Variants in GRM3 observed in about 807,000 individuals in gnomAD.
The protein encoded by GRM3 is metabotropic glutamate receptor 3.
GRM3 carries 26 observed loss-of-function variants against 70.5 expected under a neutral mutation model. That is an observed-to-expected ratio of 0.37 (90% CI 0.27 to 0.51). The LOEUF is 0.51. Ranked by LOEUF, GRM3 falls within the 20% of genes least tolerant of loss-of-function variation. The pLI is 0.93. For synonymous variants in GRM3, 443 were observed against 434.9 expected, an observed-to-expected ratio of 1.02 and a Z score of -0.23; for missense variants, 859 against 1,123.8, an observed-to-expected ratio of 0.76 and a Z score of 3.37.
At chr7:86,858,543 C>T (rs1410394908) in intron 5 of GRM3, among the ~76,000 whole-genome samples, 1 of 152,164 alleles carries the variant, frequency 6.6e-6, no homozygotes, top group Non-Finnish European at 1.5e-5. Context: ...TGTCATGATA[C>T]AGCAGGAAGG....
chr7:86,840,089 C>T (rs558646538), intron 4 of GRM3, among the ~76,000 whole-genome samples, 184 bp downstream of exon 4: 120 of 152,110 alleles, frequency 7.9e-4, no homozygotes, highest in African/African-American at 2.6e-3. Context: ...TAGTACCTAC[C>T]ACATGCAGAG....
intron 1 of GRM3, among the ~76,000 whole-genome samples, chr7:86,718,265 A>G (rs1048597205): frequency 3.9e-5 from 6 of 151,968 alleles, no homozygotes; most frequent in African/African-American, 1.2e-4. Context: ...ATTCCACATC[A>G]CAATTTATCT....
At chr7:86,802,793 T>C (rs1352877466) in intron 3 of GRM3, among the ~76,000 whole-genome samples, 1 of 152,198 alleles carries the variant, frequency 6.6e-6, no homozygotes, top group East Asian at 1.9e-4. Flanking sequence ...AAGACCATGA[T>C]AGTTTTGTGG....
chr7:86,748,800 T>A (rs2116350762), intron 1 of GRM3, among the ~76,000 whole-genome samples: 1 of 152,202 alleles, frequency 6.6e-6, no homozygotes, highest in South Asian at 2.1e-4. Context: ...TGAAATTAAC[T>A]CAAAGTCCTC....
At chr7:86,682,220 C>T (rs934603840) in intron 1 of GRM3, among the ~76,000 whole-genome samples, 1 of 152,110 alleles carries the variant, frequency 6.6e-6, no homozygotes, top group African/African-American at 2.4e-5. Context: ...TTTAATTTTT[C>T]CTTCACAAAG....
chr7:86,838,366 G>C (rs973362739), intron 3 of GRM3, among the ~76,000 whole-genome samples: 1 of 151,964 alleles, frequency 6.6e-6, no homozygotes, highest in Non-Finnish European at 1.5e-5. Context: ...TGCAAAAAAT[G>C]TTCTTTATTT....
intron 1 of GRM3, among the ~76,000 whole-genome samples, chr7:86,740,458 G>T (rs891968730): frequency 6.6e-6 from 1 of 152,032 alleles, no homozygotes; most frequent in African/African-American, 2.4e-5. Context: ...ACAACTGTTT[G>T]ACAAAAGAAA....
At chr7:86,827,120 A>G (rs1402167770) in intron 3 of GRM3, among the ~76,000 whole-genome samples, 3 of 152,196 alleles carry the variant, frequency 2.0e-5, no homozygotes, top group Non-Finnish European at 4.4e-5. Flanking sequence ...ATTATAGTCC[A>G]TTTCCTTAAG....
chr7:86,676,881 CT>C (rs988580137), intron 1 of GRM3, among the ~76,000 whole-genome samples: 8 of 151,922 alleles, frequency 5.3e-5, no homozygotes, highest in Non-Finnish European at 8.8e-5. Flanking sequence ...ATAGAGACTT[CT>C]TTTGGCCAAA....
At chr7:86,729,200 C>G (rs1414850680) in intron 1 of GRM3, among the ~76,000 whole-genome samples, 3 of 152,134 alleles carry the variant, frequency 2.0e-5, no homozygotes, top group Non-Finnish European at 4.4e-5. Flanking sequence ...GATTCCCAAG[C>G]TGGACTGTCT....
intron 1 of GRM3, among the ~76,000 whole-genome samples, chr7:86,664,474 C>T (rs1330707913): frequency 6.6e-6 from 1 of 151,840 alleles, no homozygotes; most frequent in Non-Finnish European, 1.5e-5. Context: ...TATATCCTTC[C>T]TTTTAGGGGA....
intron 1 of GRM3, among the ~76,000 whole-genome samples, chr7:86,656,164 C>A (rs1486254031): frequency 1.3e-5 from 2 of 152,034 alleles, no homozygotes; most frequent in Non-Finnish European, 2.9e-5. Context: ...TTCTCCACTG[C>A]CAAAGCATCA....
chr7:86,735,279 A>G (rs1316045171), intron 1 of GRM3, among the ~76,000 whole-genome samples: 3 of 152,056 alleles, frequency 2.0e-5, no homozygotes, highest in African/African-American at 7.3e-5. Context: ...CCTCAGTACA[A>G]ATAAATGCTC....
At chr7:86,806,933 G>A (rs755311212) in intron 3 of GRM3, among the ~76,000 whole-genome samples, 4 of 150,250 alleles carry the variant, frequency 2.7e-5, no homozygotes, top group Non-Finnish European at 5.9e-5. Flanking sequence ...TAAGGTTTAA[G>A]GAGGGGGTCC....
intron 1 of GRM3, among the ~76,000 whole-genome samples, chr7:86,697,511 A>C (rs546052794): frequency 6.6e-6 from 1 of 152,086 alleles, no homozygotes; most frequent in South Asian, 2.1e-4. Context: ...ATTACGAAAA[A>C]CAGAGAAGAC....
chr7:86,662,026 T>TA (rs926748795), intron 1 of GRM3, among the ~76,000 whole-genome samples: 6 of 152,002 alleles, frequency 3.9e-5, no homozygotes, highest in Admixed American at 1.3e-4. Flanking sequence ...GTATCAGGGT[T>TA]AAAAAAATAT....
intron 1 of GRM3, among the ~76,000 whole-genome samples, chr7:86,652,132 G>A (rs1411795005): frequency 6.6e-6 from 1 of 152,080 alleles, no homozygotes; most frequent in Non-Finnish European, 1.5e-5. Flanking sequence ...CACTCATAAT[G>A]CAGTAATTTG....
At chr7:86,828,535 T>C (rs976324264) in intron 3 of GRM3, among the ~76,000 whole-genome samples, 1 of 152,238 alleles carries the variant, frequency 6.6e-6, no homozygotes. Flanking sequence ...TACACTATAC[T>C]GTAGTTTATT....
intron 1 of GRM3, among the ~76,000 whole-genome samples, chr7:86,734,094 A>AG (rs1257828305): frequency 6.6e-6 from 1 of 152,188 alleles, no homozygotes; most frequent in Non-Finnish European, 1.5e-5. Context: ...CAAAGAAAGT[A>AG]GGGGGGAGAA....
Sources: gnomAD v4.1 joint callset for allele counts (sites outside exome capture counted in the v4.1 genomes callset) on GRCh38, gnomAD v4.1.1 for gene constraint, MANE v1.5 for transcripts, NCBI Gene and HGNC (gene_info 2026-07-23, HGNC 2026-07-21) for gene names.